The following PIP5K1A variants were observed in gnomAD, a reference collection of about 807,000 sequenced individuals.
PIP5K1A encodes phosphatidylinositol 4-phosphate 5-kinase type-1 alpha.
PIP5K1A carries 46 observed loss-of-function variants against 72.9 expected under a neutral mutation model. The observed-to-expected ratio is 0.63, with a 90% CI of 0.50 to 0.81. The LOEUF is 0.81. Among genes scored for constraint, PIP5K1A ranks in the 30% least tolerant of loss-of-function variants. PIP5K1A has a pLI of 0.00. For synonymous variants in PIP5K1A, 228 were observed against 255.1 expected (o/e 0.89, Z 1.01); for missense variants, 458 against 706.1 (o/e 0.65, Z 3.98).
At chr1:151,201,494 C>T (rs1246063926) in intron 1 of PIP5K1A, among the ~76,000 whole-genome samples, 1 of 152,016 alleles carries the variant, frequency 6.6e-6, no homozygotes, top group Non-Finnish European at 1.5e-5. Context: ...GGAATACAGG[C>T]ATGTGCCATC....
intron 14 of PIP5K1A, among the ~76,000 whole-genome samples, chr1:151,244,042 G>C (rs1328180160): frequency 1.3e-5 from 2 of 151,948 alleles, no homozygotes; most frequent in East Asian, 3.9e-4. Context: ...AGCCTGGTGT[G>C]GTGGCTCATG....
At chr1:151,209,126 A>G (rs940114210) in intron 1 of PIP5K1A, among the ~76,000 whole-genome samples, 1 of 152,066 alleles carries the variant, frequency 6.6e-6, no homozygotes, top group Non-Finnish European at 1.5e-5. Context: ...TTTCAGTTGA[A>G]GAACAATTTG....
In PIP5K1A at chr1:151,242,352, C is replaced by CT; in HGVS notation, c.1510+84dup. 4 of 1,600,070 alleles carry CT rather than the reference C, an allele frequency of 2.5e-6. No homozygotes were observed. The South Asian group carries it at 4.4e-5, about 18-fold the overall frequency. On this transcript the variant is annotated intron_variant, in intron 13 of 15. Coordinates refer to ENST00000368888, the MANE Select transcript of PIP5K1A (RefSeq NM_001135638.2). ...CCTTTATCTTGTCTGGCCAGGACCT[C>CT]TGCTCCCATTTCTATCCAGGAAGCC...
At chr1:151,231,038 T>C (rs1261314431) in intron 4 of PIP5K1A, among the ~76,000 whole-genome samples, 1 of 152,078 alleles carries the variant, frequency 6.6e-6, no homozygotes, top group Admixed American at 6.6e-5. Context: ...AAACCCCATC[T>C]GTACTAAAAA....
intron 12 of PIP5K1A, 137 bp downstream of exon 12, chr1:151,240,176 C>T: frequency 1.5e-6 from 1 of 680,664 alleles, no homozygotes; most frequent in South Asian, 1.6e-5. Context: ...CCATGAGAGC[C>T]ATTTCTTGTC....
chr1:151,221,079 T>C (rs895236565), intron 1 of PIP5K1A, among the ~76,000 whole-genome samples: 7 of 152,228 alleles, frequency 4.6e-5, no homozygotes, highest in African/African-American at 1.7e-4. Flanking sequence ...AGGTTTCACA[T>C]ATTCCATTTG....
chr1:151,207,927 C>T (rs587616798), intron 1 of PIP5K1A, among the ~76,000 whole-genome samples: 30 of 150,464 alleles, frequency 2.0e-4, no homozygotes, highest in Non-Finnish European at 4.1e-4. Flanking sequence ...TGCAGTGGTG[C>T]GATCTTGGCT....
At chr1:151,240,268 C>A in intron 12 of PIP5K1A, 1 of 512,264 alleles carries the variant, frequency 2.0e-6, no homozygotes, top group Non-Finnish European at 3.4e-6. Flanking sequence ...AGGTGAGGAC[C>A]ATTTCTGGGG....
chr1:151,227,300 A>T lies in PIP5K1A; in HGVS notation c.157-20A>T. ...GTGTCTTACATGGGAATTGTATTAT[A>T]ATCTTGACTCTTCTTCTAGGTGCCT... is the stretch of plus-strand genomic sequence containing the variant. On this transcript the variant is annotated intron_variant, in intron 3 of 15. Coordinates refer to ENST00000368888, the MANE Select transcript of PIP5K1A (RefSeq NM_001135638.2). 1 of 1,531,258 alleles carries T rather than the reference A, an allele frequency of 6.5e-7. No individual in the cohort carries two copies. The highest frequency in any genetic ancestry group is 9.0e-7 in the Non-Finnish European group (1 of 1,105,048). The allele number at this position is 1,531,258 out of a possible 1,614,324, so 94.9% of individuals were successfully genotyped here.
intron 14 of PIP5K1A, among the ~76,000 whole-genome samples, chr1:151,244,815 C>G (rs1224351065): frequency 6.6e-6 from 1 of 152,138 alleles, no homozygotes; most frequent in African/African-American, 2.4e-5. Context: ...TGACTATACT[C>G]TGAACCAATA....
chr1:151,236,772 G>T lies in PIP5K1A; in HGVS notation c.1145+9G>T. Reference sequence around the variant, plus strand: ...ATGGAGACTGATGACCAGTAAGTGGGCTCAGGGCCACTAGGGGGGAGAACA... The same window carrying T: ...ATGGAGACTGATGACCAGTAAGTGGTCTCAGGGCCACTAGGGGGGAGAACA... On this transcript the variant is annotated intron_variant, in intron 9 of 15. Transcript: ENST00000368888. 6.3e-7 allele frequency: 1 copy of T among 1,597,510 alleles called. No homozygotes were observed. The highest frequency in any genetic ancestry group is 8.6e-7 in the Non-Finnish European group (1 of 1,165,732).
At position 151,248,210 on chromosome 1, in the gene PIP5K1A, G is replaced by A. The variant is rs950859864; in HGVS notation, c.*345G>A. ...GCTGGAAATGGGATTGCTGGACTTG[G>A]CAGCTTTCTTTCCCCTCGTCTTTGA... On this transcript the variant is annotated 3_prime_UTR_variant, in exon 16 of 16. Coordinates refer to ENST00000368888, the MANE Select transcript of PIP5K1A (RefSeq NM_001135638.2). 1.1e-5 allele frequency: 4 copies of A among 358,550 alleles called. No homozygotes were observed. Among genetic ancestry groups the A allele is most frequent in the African/African-American group, 8.6e-5 (4 of 46,658 alleles). 22.2% of individuals were successfully genotyped at this position (358,550 alleles called of 1,614,324 possible).
At chr1:151,239,253 C>A in intron 11 of PIP5K1A, 75 bp downstream of exon 11, 4 of 938,426 alleles carry the variant, frequency 4.3e-6, no homozygotes, top group South Asian at 1.5e-5. Context: ...CAGTTTCTTG[C>A]AATTTTTTCT....
intron 1 of PIP5K1A, among the ~76,000 whole-genome samples, chr1:151,222,554 G>A (rs1688525808): frequency 6.6e-6 from 1 of 152,026 alleles, no homozygotes; most frequent in African/African-American, 2.4e-5. Flanking sequence ...TTTATTCAGT[G>A]ACTTTTTGCA....
At chr1:151,198,167 C>G (rs1322806438), upstream of PIP5K1A, 1 of 459,282 alleles carries the variant, frequency 2.2e-6, no homozygotes, top group Non-Finnish European at 4.5e-6. Context: ...AGTAGTAAAA[C>G]AGGAAAAAGA....
chr1:151,197,174 T>G (rs1378451577), upstream of PIP5K1A, among the ~76,000 whole-genome samples: 1 of 151,674 alleles, frequency 6.6e-6, no homozygotes, highest in African/African-American at 2.4e-5. Context: ...CATGGGGATA[T>G]TCTATGGATG....
intron 14 of PIP5K1A, among the ~76,000 whole-genome samples, chr1:151,244,572 C>T (rs1243690663): frequency 1.3e-5 from 2 of 152,200 alleles, no homozygotes; most frequent in African/African-American, 4.8e-5. Flanking sequence ...AGGAGGATCG[C>T]TCGAACCCCG....
At chr1:151,247,598 T>G (rs986072505) in intron 15 of PIP5K1A, among the ~76,000 whole-genome samples, 5 of 152,150 alleles carry the variant, frequency 3.3e-5, no homozygotes, top group African/African-American at 1.2e-4. Flanking sequence ...GCTAATTTTT[T>G]GTATTTTTAG....
chr1:151,215,234 C>G (rs981529960), intron 1 of PIP5K1A, among the ~76,000 whole-genome samples: 1 of 151,350 alleles, frequency 6.6e-6, no homozygotes, highest in African/African-American at 2.4e-5. Context: ...GACGGGGTTT[C>G]TCCATGTTGG....
Sources: gnomAD v4.1 joint callset for allele counts (sites outside exome capture counted in the v4.1 genomes callset) on GRCh38, gnomAD v4.1.1 for gene constraint, MANE v1.5 for transcripts, NCBI Gene and HGNC (gene_info 2026-07-23, HGNC 2026-07-21) for gene names.